FREM2: variants seen among roughly 807,000 people sequenced by gnomAD.
FREM2 encodes FRAS1 related extracellular matrix 2, also known as FRAS1-related extracellular matrix protein 2.
In FREM2, 119 loss-of-function variants were observed where a neutral mutation model predicts 219.9. That is an observed-to-expected ratio of 0.54 (90% confidence interval 0.47 to 0.63). The LOEUF (loss-of-function observed/expected upper bound fraction) is 0.63, where lower values mean the gene tolerates loss of function less well. Ranked by LOEUF, FREM2 falls within the 30% of genes least tolerant of loss-of-function variation. The probability of loss-of-function intolerance (pLI) is 0.00; values close to 1 mark genes in which losing one functional copy is unlikely to be tolerated. For synonymous variants in FREM2, 1,562 were observed against 1,522.8 expected, an observed-to-expected ratio of 1.03 and a Z score of -0.60; for missense variants, 4,030 against 3,993.6, an observed-to-expected ratio of 1.01 and a Z score of -0.25.
chr13:38,812,754 G>A (rs1160480737), intron 6 of FREM2, among the ~76,000 whole-genome samples: 1 of 151,956 alleles, frequency 6.6e-6, no homozygotes, highest in Non-Finnish European at 1.5e-5. Flanking sequence ...GTGGTGGTGT[G>A]TACCTGTAGT....
chr13:38,777,607 T>A (rs2137823516), intron 4 of FREM2, among the ~76,000 whole-genome samples: 1 of 152,288 alleles, frequency 6.6e-6, no homozygotes, highest in African/African-American at 2.4e-5. Context: ...GCTTAGCAAA[T>A]AATGAGAACT....
intron 6 of FREM2, among the ~76,000 whole-genome samples, chr13:38,826,330 G>T (rs1480918497): frequency 1.3e-5 from 2 of 152,076 alleles, no homozygotes; most frequent in Admixed American, 1.3e-4. Context: ...CCCAGTGTCG[G>T]GCATTTCGTA....
At chr13:38,791,345 G>A (rs527341215) in intron 6 of FREM2, among the ~76,000 whole-genome samples, 23 of 152,254 alleles carry the variant, frequency 1.5e-4, no homozygotes, top group African/African-American at 5.5e-4. Context: ...AGTCTCTCAT[G>A]TATCTTGATT....
chr13:38,737,028 T>G (rs1310381474), intron 2 of FREM2, among the ~76,000 whole-genome samples: 1 of 152,200 alleles, frequency 6.6e-6, no homozygotes, highest in African/African-American at 2.4e-5. Context: ...GAGCACATTC[T>G]CATCATGGGA....
intron 15 of FREM2, among the ~76,000 whole-genome samples, chr13:38,862,592 T>G (rs1443192246): frequency 6.6e-6 from 1 of 152,204 alleles, no homozygotes; most frequent in African/African-American, 2.4e-5. Context: ...GGCTGACCAC[T>G]TCTTCTGTGG....
In FREM2 at chr13:38,743,135, G is replaced by A. The variant is rs149841389; in HGVS notation, c.5264-21169G>A. On this transcript the variant is annotated intron_variant, in intron 2 of 23. Coordinates refer to ENST00000280481, the MANE Select transcript of FREM2 (RefSeq NM_207361.6). The stretch of plus-strand genomic sequence containing the variant: ...ACCTTGCTGACAGGCAAGCCCCAAT[G>A]TGAGGGTCTCCTGGCATCCAAATAT... Among the ~76,000 whole-genome samples, 265 of 152,186 alleles carry A rather than the reference G, an allele frequency of 1.7e-3. 2 individuals carry two copies. Among genetic ancestry groups the A allele is most frequent in the African/African-American group, 6.2e-3 (257 of 41,534 alleles).
At chr13:38,787,353 T>C (rs1318527971) in intron 6 of FREM2, among the ~76,000 whole-genome samples, 1 of 152,208 alleles carries the variant, frequency 6.6e-6, no homozygotes, top group East Asian at 1.9e-4. Flanking sequence ...CTAACATCAC[T>C]ACTATAGTTT....
rs114761752 is a variant in FREM2, at chr13:38,878,249, G to A, written c.8787G>A (p.Lys2929=). 2.6e-5 allele frequency: 42 copies of A among 1,613,710 alleles called. No individual in the cohort carries two copies. The East Asian group carries it at 8.9e-4, about 34-fold the overall frequency. ...CTGGAGCTGATGGCTATGTTCCCAA[G>A]TATAGTCCAATGAATGCAGAATATG... ...LCTGADGYVP[K]YSPMNAEYGC... The change falls in exon 22 of 24, where the codon AAG becomes AAA. Residue 2929 remains lysine (K), a synonymous_variant. Transcript: ENST00000280481.
intron 2 of FREM2, among the ~76,000 whole-genome samples, chr13:38,712,473 C>T (rs1340614863): frequency 1.3e-5 from 2 of 152,130 alleles, no homozygotes; most frequent in Non-Finnish European, 2.9e-5. Context: ...TACATAGACC[C>T]TTCAAGTATT....
At chr13:38,807,490 A>G (rs1593419692) in intron 6 of FREM2, among the ~76,000 whole-genome samples, 2 of 151,060 alleles carry the variant, frequency 1.3e-5, no homozygotes, top group East Asian at 2.0e-4. Context: ...TATGGCAGCT[A>G]TAGCCTTACA....
chr13:38,864,188 G>C (rs1420461001), intron 15 of FREM2, 87 bp from the exon 16 acceptor site: 2 of 1,030,320 alleles, frequency 1.9e-6, no homozygotes, highest in Non-Finnish European at 3.0e-6. Flanking sequence ...TATGACACTT[G>C]TTTTCTTAAG....
At chr13:38,712,433 T>C (rs1304673054) in intron 2 of FREM2, among the ~76,000 whole-genome samples, 1 of 152,220 alleles carries the variant, frequency 6.6e-6, no homozygotes, top group Non-Finnish European at 1.5e-5. Context: ...TTTTGCTATA[T>C]TATTCTTTCT....
chr13:38,790,582 C>A (rs1046906462), intron 6 of FREM2, among the ~76,000 whole-genome samples: 1 of 152,162 alleles, frequency 6.6e-6, no homozygotes, highest in South Asian at 2.1e-4. Flanking sequence ...GACTACTCTT[C>A]TAATACTAAA....
intron 2 of FREM2, among the ~76,000 whole-genome samples, chr13:38,716,544 G>A (rs1431254857): frequency 6.6e-6 from 1 of 151,274 alleles, no homozygotes; most frequent in Admixed American, 6.6e-5. Context: ...ACAGAGTCTT[G>A]CTCTGTTGGA....
rs553139220 is a variant in FREM2 at position 38,810,476 on chromosome 13, A to G, written c.6019+25668A>G. The stretch of plus-strand genomic sequence containing the variant: ...GGGTCTGTTTTATATGGTTTTCATT[A>G]TGTTGATATATGTTCCGTCTATACC... On this transcript the variant is annotated intron_variant, in intron 6 of 23. Coordinates refer to ENST00000280481, the MANE Select transcript of FREM2 (RefSeq NM_207361.6). 9.3e-4 allele frequency among the ~76,000 whole-genome samples: 142 copies of G among 152,066 alleles called. No individual in the cohort carries two copies. The Middle Eastern group carries it at 0.01, about 11-fold the overall frequency.
intron 2 of FREM2, among the ~76,000 whole-genome samples, chr13:38,756,834 C>G (rs1449598526): frequency 2.0e-5 from 3 of 151,670 alleles, no homozygotes; most frequent in Non-Finnish European, 2.9e-5. Context: ...AACCACCATG[C>G]CTGGCTGGTT....
At chr13:38,765,957 A>T (rs1873418117) in intron 3 of FREM2, among the ~76,000 whole-genome samples, 1 of 152,320 alleles carries the variant, frequency 6.6e-6, no homozygotes, top group East Asian at 1.9e-4. Flanking sequence ...ACATGTGCAC[A>T]TCCTGTCTTA....
chr13:38,833,725 T>C (rs754347972), intron 6 of FREM2, among the ~76,000 whole-genome samples: 13 of 152,210 alleles, frequency 8.5e-5, no homozygotes, highest in Non-Finnish European at 1.9e-4. Context: ...TATAGGTAGA[T>C]GAAACTTCTT....
chr13:38,846,919 A>G (rs1877179600), intron 7 of FREM2, among the ~76,000 whole-genome samples, 197 bp downstream of exon 7: 1 of 152,198 alleles, frequency 6.6e-6, no homozygotes, highest in Admixed American at 6.6e-5. Flanking sequence ...AAGGCCATGA[A>G]TCAGAAACTA....
Sources: gnomAD v4.1 joint callset for allele counts (sites outside exome capture counted in the v4.1 genomes callset) on GRCh38, gnomAD v4.1.1 for gene constraint, MANE v1.5 for transcripts, NCBI Gene and HGNC (gene_info 2026-07-23, HGNC 2026-07-21) for gene names.